Variants in MNAT1 observed in about 807,000 individuals in gnomAD.
MNAT1 encodes the protein MNAT1 component of CDK activating kinase, also known as CDK-activating kinase assembly factor MAT1.
A neutral mutation model predicts 42.0 loss-of-function variants in MNAT1; 43 were observed. That is an observed-to-expected ratio of 1.02 (90% CI 0.80 to 1.32). The LOEUF is 1.32. Among genes scored for constraint, MNAT1 ranks in the 40% most tolerant of loss-of-function variants. The pLI is 0.00. For missense variants in MNAT1, 306 were observed against 350.4 expected, an observed-to-expected ratio of 0.87 and a Z score of 1.01; for synonymous variants, 118 against 120.0, an observed-to-expected ratio of 0.98 and a Z score of 0.11.
intron 5 of MNAT1, among the ~76,000 whole-genome samples, 166 bp from the exon 6 acceptor site, chr14:60,818,556 T>G (rs931734981): frequency 1.3e-5 from 2 of 152,098 alleles, no homozygotes; most frequent in Non-Finnish European, 2.9e-5. Context: ...TACAACAGCC[T>G]TTTCTTATTA....
chr14:60,891,343 T>G (rs538790227), intron 7 of MNAT1, among the ~76,000 whole-genome samples: 4 of 152,220 alleles, frequency 2.6e-5, no homozygotes, highest in African/African-American at 9.6e-5. Flanking sequence ...ATTTCTGCTT[T>G]AATCTTCATT....
At chr14:60,764,754 G>C (rs768212964) in intron 1 of MNAT1, among the ~76,000 whole-genome samples, 1 of 152,146 alleles carries the variant, frequency 6.6e-6, no homozygotes, top group African/African-American at 2.4e-5. Flanking sequence ...AAATAAATAG[G>C]CAAATAAATA....
intron 7 of MNAT1, among the ~76,000 whole-genome samples, chr14:60,940,519 G>A (rs1405958557): frequency 6.6e-6 from 1 of 152,212 alleles, no homozygotes; most frequent in Non-Finnish European, 1.5e-5. Context: ...CCAGGTTCAT[G>A]CCATTCTTCT....
At chr14:60,832,029 G>GT (rs1232018984) in intron 6 of MNAT1, among the ~76,000 whole-genome samples, 1 of 151,696 alleles carries the variant, frequency 6.6e-6, no homozygotes, top group East Asian at 1.9e-4. Context: ...GGGATTGTTT[G>GT]TTTTTTTTCT....
chr14:60,834,958 T>TTCCTTCCC (rs2033342271), intron 6 of MNAT1, among the ~76,000 whole-genome samples: 2 of 148,262 alleles, frequency 1.3e-5, no homozygotes, highest in Admixed American at 1.3e-4. Context: ...CCTTCCTTCC[T>TTCCTTCCC]TCCTTCCTTC....
intron 1 of MNAT1, among the ~76,000 whole-genome samples, chr14:60,782,880 T>C (rs528007119): frequency 6.6e-6 from 1 of 152,372 alleles, no homozygotes; most frequent in South Asian, 2.1e-4. Context: ...TTACCACTTA[T>C]ATTAACACTT....
intron 1 of MNAT1, among the ~76,000 whole-genome samples, chr14:60,749,334 A>G (rs2029968543): frequency 6.6e-6 from 1 of 152,196 alleles, no homozygotes; most frequent in African/African-American, 2.4e-5. Flanking sequence ...GTAAGGATCT[A>G]AAGTAGTAGT....
intron 1 of MNAT1, among the ~76,000 whole-genome samples, chr14:60,788,202 C>T (rs2031710708): frequency 1.3e-5 from 2 of 152,144 alleles, no homozygotes; most frequent in Admixed American, 1.3e-4. Flanking sequence ...TGTCCTTGCA[C>T]ATATCCATCA....
intron 7 of MNAT1, among the ~76,000 whole-genome samples, chr14:60,907,643 A>G (rs975087137): frequency 6.7e-6 from 1 of 148,586 alleles, no homozygotes; most frequent in Non-Finnish European, 1.5e-5. Context: ...TTAGCAGGGC[A>G]TGGTGGTGTA....
intron 7 of MNAT1, among the ~76,000 whole-genome samples, chr14:60,956,820 G>A (rs1221239443): frequency 6.6e-6 from 1 of 152,088 alleles, no homozygotes; most frequent in African/African-American, 2.4e-5. Flanking sequence ...ACCTGTCCCT[G>A]TTCTTTTTGG....
At chr14:60,907,782 CA>C (rs71114166) in intron 7 of MNAT1, among the ~76,000 whole-genome samples, 877 of 77,532 alleles carry the variant, frequency 0.011, 7 homozygotes, top group African/African-American at 0.039. Flanking sequence ...AACTGTGTCT[CA>C]AAAAAAAAAA....
intron 6 of MNAT1, among the ~76,000 whole-genome samples, chr14:60,859,741 A>T (rs568619270): frequency 6.6e-6 from 1 of 152,260 alleles, no homozygotes; most frequent in Admixed American, 6.5e-5. Flanking sequence ...TCCTCTTGAC[A>T]CCTTACTGAT....
chr14:60,771,829 G>GC (rs2031069688), intron 1 of MNAT1, among the ~76,000 whole-genome samples: 1 of 152,204 alleles, frequency 6.6e-6, no homozygotes, highest in Non-Finnish European at 1.5e-5. Context: ...CTCAAACAGT[G>GC]CCTGCTACAT....
Position 60,969,446 on chromosome 14 carries a change from C to T in MNAT1, c.*1097C>T, listed in dbSNP as rs2036741815. The T allele has an allele frequency of 6.6e-6, 1 of 152,182 alleles. No homozygotes were observed. Among genetic ancestry groups the T allele is most frequent in the Non-Finnish European group, 1.5e-5 (1 of 68,024 alleles). The allele number at this position is 152,182 out of a possible 1,614,324, so 9.4% of individuals were successfully genotyped here. On this transcript the variant is annotated 3_prime_UTR_variant, in exon 8 of 8. Transcript: ENST00000261245. ...TCTGTAACAACTCCATCTTATTTTACTAAGCAGTTATTAATTAATTTTAGC... is the reference window on the plus strand; with the variant it reads ...TCTGTAACAACTCCATCTTATTTTATTAAGCAGTTATTAATTAATTTTAGC...
intron 7 of MNAT1, among the ~76,000 whole-genome samples, chr14:60,920,998 GTC>G (rs2035647802): frequency 6.6e-6 from 1 of 152,116 alleles, no homozygotes; most frequent in South Asian, 2.1e-4. Context: ...TGTAACCTAA[GTC>G]TCTCTTCTTC....
At chr14:60,794,660 A>AAAAAATATAT (rs1555375163) in intron 1 of MNAT1, among the ~76,000 whole-genome samples, 1 of 28,634 alleles carries the variant, frequency 3.5e-5, no homozygotes, top group African/African-American at 1.4e-4. Flanking sequence ...AAAAAAAAAA[A>AAAAAATATAT]ATATATATAT....
intron 1 of MNAT1, among the ~76,000 whole-genome samples, chr14:60,789,041 C>A (rs2031737921): frequency 6.6e-6 from 1 of 152,132 alleles, no homozygotes; most frequent in South Asian, 2.1e-4. Flanking sequence ...TTATGATACA[C>A]CCTCCTCAGG....
intron 7 of MNAT1, among the ~76,000 whole-genome samples, chr14:60,953,538 G>A (rs1332320763): frequency 1.3e-5 from 2 of 152,152 alleles, no homozygotes; most frequent in Non-Finnish European, 2.9e-5. Flanking sequence ...GTGAAAGCAT[G>A]CTTTGTATTG....
At chr14:60,879,524 T>C (rs1324915267) in intron 6 of MNAT1, among the ~76,000 whole-genome samples, 190 bp from the exon 7 acceptor site, 1 of 152,192 alleles carries the variant, frequency 6.6e-6, no homozygotes, top group Non-Finnish European at 1.5e-5. Context: ...TTTTAAATCA[T>C]GTGTAAATGA....
Sources: gnomAD v4.1 joint callset for allele counts (sites outside exome capture counted in the v4.1 genomes callset) on GRCh38, gnomAD v4.1.1 for gene constraint, MANE v1.5 for transcripts, NCBI Gene and HGNC (gene_info 2026-07-23, HGNC 2026-07-21) for gene names.